Variants in FARS2 observed in about 807,000 individuals in gnomAD.
FARS2 encodes phenylalanyl-tRNA synthetase 2, mitochondrial.
A neutral mutation model predicts 46.4 loss-of-function variants in FARS2; 40 were observed. The observed-to-expected ratio is 0.86, with a 90% CI of 0.67 to 1.12. The LOEUF (loss-of-function observed/expected upper bound fraction) is 1.12, where lower values mean the gene tolerates loss of function less well. FARS2 is among the 50% of genes most tolerant of loss of function. The probability of loss-of-function intolerance (pLI) is 0.00; values close to 1 mark genes in which losing one functional copy is unlikely to be tolerated. For missense variants in FARS2, 513 were observed against 567.9 expected (o/e 0.90, Z 0.98); for synonymous variants, 234 against 214.9 (o/e 1.09, Z -0.78).
rs182026188 is a variant in FARS2, at chr6:5,399,732, C to G, written c.613-4810C>G. ...CATGAAAGGTAGCAAGTAATATATG[C>G]CCTCTTGCACTTTGCCTTTTTTATT... On this transcript the variant is annotated intron_variant, in intron 2 of 6. Transcript: ENST00000274680. Among the ~76,000 whole-genome samples, 5 of 152,210 alleles carry G rather than the reference C, an allele frequency of 3.3e-5. No homozygotes were observed. In the East Asian group the frequency reaches 9.7e-4, roughly 29 times the overall value.
At chr6:5,494,893 A>G (rs1284143576) in intron 4 of FARS2, among the ~76,000 whole-genome samples, 1 of 152,362 alleles carries the variant, frequency 6.6e-6, no homozygotes. Flanking sequence ...AATCGAAAAT[A>G]ACTCTATTAC....
At chr6:5,370,683 A>G (rs1437105072) in intron 2 of FARS2, among the ~76,000 whole-genome samples, 1 of 152,156 alleles carries the variant, frequency 6.6e-6, no homozygotes, top group Non-Finnish European at 1.5e-5. Flanking sequence ...GCTGCCAGGC[A>G]CTTCTAGCAT....
At chr6:5,595,024 G>T (rs1410153808) in intron 5 of FARS2, among the ~76,000 whole-genome samples, 1 of 152,210 alleles carries the variant, frequency 6.6e-6, no homozygotes, top group Non-Finnish European at 1.5e-5. Context: ...TAGCTGAAGG[G>T]CAGTTTGCAG....
chr6:5,309,360 C>A (rs6911649), intron 1 of FARS2, among the ~76,000 whole-genome samples: 27,852 of 152,076 alleles, frequency 0.18, 3,005 homozygotes, highest in East Asian at 0.47. Flanking sequence ...TTTCTTTAGA[C>A]TTGGCAGGAT....
intron 3 of FARS2, among the ~76,000 whole-genome samples, chr6:5,406,555 T>C (rs1761608384): frequency 6.6e-6 from 1 of 152,214 alleles, no homozygotes; most frequent in Admixed American, 6.5e-5. Flanking sequence ...TTTGTCTGGC[T>C]TGTTTTACTT....
chr6:5,717,908 C>CTCTATATATATATATATATATATATATA, intron 6 of FARS2, among the ~76,000 whole-genome samples: 1 of 77,724 alleles, frequency 1.3e-5, no homozygotes, highest in East Asian at 2.5e-4. Context: ...AAGGTATCAG[C>CTCTATATATATATATATATATATATATA]TATATATATA....
chr6:5,392,113 T>A (rs1184869731), intron 2 of FARS2, among the ~76,000 whole-genome samples: 1 of 152,166 alleles, frequency 6.6e-6, no homozygotes, highest in Admixed American at 6.5e-5. Context: ...TACTTAGAGG[T>A]CCCTGGAATC....
At chr6:5,442,218 T>A (rs6922067) in intron 4 of FARS2, among the ~76,000 whole-genome samples, 63,691 of 152,080 alleles carry the variant, frequency 0.42, 14,034 homozygotes, top group Non-Finnish European at 0.48. Flanking sequence ...TAACATTTAT[T>A]GTTTTTCTTT....
intron 6 of FARS2, among the ~76,000 whole-genome samples, chr6:5,748,200 C>T (rs529050112): frequency 6.6e-6 from 1 of 152,280 alleles, no homozygotes; most frequent in Non-Finnish European, 1.5e-5. Context: ...AGGCTTGGGC[C>T]TTCTCCCCTT....
chr6:5,537,723 G>A (rs1770309426), intron 4 of FARS2, among the ~76,000 whole-genome samples: 1 of 152,258 alleles, frequency 6.6e-6, no homozygotes, highest in South Asian at 2.1e-4. Context: ...TGTAGAGGCA[G>A]AGCTTGTAGA....
intron 6 of FARS2, among the ~76,000 whole-genome samples, chr6:5,689,820 T>A (rs1325880927): frequency 6.6e-6 from 1 of 152,166 alleles, no homozygotes; most frequent in Non-Finnish European, 1.5e-5. Flanking sequence ...CCCATTATTA[T>A]TGTGTGGGAG....
chr6:5,512,763 A>G (rs1420324835), intron 4 of FARS2, among the ~76,000 whole-genome samples: 2 of 152,160 alleles, frequency 1.3e-5, no homozygotes, highest in Non-Finnish European at 2.9e-5. Flanking sequence ...TCAGCAAAAA[A>G]TATGTATTAA....
chr6:5,315,472 C>G (rs886351762), intron 1 of FARS2, among the ~76,000 whole-genome samples: 8 of 152,052 alleles, frequency 5.3e-5, no homozygotes, highest in Non-Finnish European at 7.4e-5. Context: ...ATGAAATTCA[C>G]CACAGATTTA....
At chr6:5,493,626 G>A (rs1419499270) in intron 4 of FARS2, among the ~76,000 whole-genome samples, 1 of 152,192 alleles carries the variant, frequency 6.6e-6, no homozygotes, top group Non-Finnish European at 1.5e-5. Flanking sequence ...ACATTGGACA[G>A]GTGACTTGAT....
At chr6:5,739,290 G>A (rs1761160341) in intron 6 of FARS2, among the ~76,000 whole-genome samples, 1 of 149,888 alleles carries the variant, frequency 6.7e-6, no homozygotes, top group Non-Finnish European at 1.5e-5. Context: ...GAGATCAGGA[G>A]TTCAAGACTA....
At chr6:5,682,619 T>G (rs1373434789) in intron 6 of FARS2, among the ~76,000 whole-genome samples, 2 of 152,252 alleles carry the variant, frequency 1.3e-5, no homozygotes, top group Non-Finnish European at 2.9e-5. Flanking sequence ...CCCCTTGCCT[T>G]GCATGTCATT....
At chr6:5,509,490 G>C (rs1034162877) in intron 4 of FARS2, among the ~76,000 whole-genome samples, 1 of 152,210 alleles carries the variant, frequency 6.6e-6, no homozygotes, top group African/African-American at 2.4e-5. Context: ...GTTGGTCCTG[G>C]TTTTTACAAT....
intron 1 of FARS2, among the ~76,000 whole-genome samples, chr6:5,282,444 G>T (rs113120825): frequency 0.012 from 1,800 of 152,298 alleles, 46 homozygotes; most frequent in African/African-American, 0.041. Context: ...TTCAGTAGGT[G>T]CTGAAGGCCA....
upstream of FARS2, among the ~76,000 whole-genome samples, chr6:5,256,445 G>A (rs866144055): frequency 1.4e-4 from 16 of 118,362 alleles, no homozygotes; most frequent in Admixed American, 6.0e-4. Context: ...AGCCAAGATC[G>A]CACCATTGCC....
Sources: allele counts gnomAD v4.1 joint callset (sites outside exome capture counted in the v4.1 genomes callset), GRCh38; gene constraint gnomAD v4.1.1; transcripts MANE v1.5; gene names NCBI Gene and HGNC (gene_info 2026-07-23, HGNC 2026-07-21).